Variants in PPP1R16B observed in about 807,000 individuals in gnomAD.
PPP1R16B encodes protein phosphatase 1 regulatory subunit 16B, also known as protein phosphatase 1 regulatory inhibitor subunit 16B.
Under a neutral mutation model 61.7 loss-of-function variants are expected in PPP1R16B, and 14 were observed. The observed-to-expected ratio is 0.23, with a 90% CI of 0.15 to 0.35. The LOEUF (loss-of-function observed/expected upper bound fraction) is 0.35. PPP1R16B is among the 10% of genes least tolerant of loss of function. The pLI, the probability that PPP1R16B is intolerant of heterozygous loss-of-function variation, is 1.00. For synonymous variants in PPP1R16B, 266 were observed against 305.3 expected, an observed-to-expected ratio of 0.87 and a Z score of 1.34; for missense variants, 547 against 752.5, an observed-to-expected ratio of 0.73 and a Z score of 3.19.
At chr20:38,903,650 A>C (rs973069058) in intron 6 of PPP1R16B, among the ~76,000 whole-genome samples, 3 of 151,988 alleles carry the variant, frequency 2.0e-5, no homozygotes, top group African/African-American at 7.3e-5. Flanking sequence ...TCCAGTCAAC[A>C]CACAGTTATG....
In PPP1R16B at chr20:38,836,103, C is replaced by G. The variant is rs559211120; in HGVS notation, c.178C>G (p.Arg60Gly). The G allele has an allele frequency of 6.2e-7, 1 of 1,612,478 alleles. No individual in the cohort carries two copies. The highest frequency in any genetic ancestry group is 1.1e-5 in the South Asian group (1 of 91,070). ...TGAGCGGAAGCGCAGCACGGGCGGC[C>G]GCCGCAAGAAAGTGTCCTTCGAGGC... Reference protein sequence around the residue: ...KHERKRSTGGRRKKVSFEASV... With the variant: ...KHERKRSTGGGRKKVSFEASV... The change falls in exon 2 of 11, where the codon CGC (arginine) becomes GGC (glycine). Residue 60 changes from arginine (R) to glycine (G), a missense_variant. By Grantham distance (125) the Arg-to-Gly change is moderately radical (BLOSUM62 -2). Transcript: ENST00000299824.
chr20:38,835,287 T>C (rs2084862129), intron 1 of PPP1R16B, among the ~76,000 whole-genome samples: 1 of 152,338 alleles, frequency 6.6e-6, no homozygotes, highest in South Asian at 2.1e-4. Context: ...CCTTGGATGT[T>C]TGTATAGTCT....
chr20:38,836,053 A>G lies in PPP1R16B; in HGVS notation c.128A>G (p.Asp43Gly). The change falls in exon 2 of 11, where the codon GAC (aspartate) becomes GGC (glycine). Residue 43 changes from aspartate to glycine, a missense_variant. Physicochemically the swap from Asp to Gly is moderately conservative, Grantham distance 94. Coordinates refer to ENST00000299824, the MANE Select transcript of PPP1R16B (RefSeq NM_015568.4). ...AAGAAATGGGCACAGTACGAGCAGGACTTGCAGCACCGCAAGCGAAAGCAT... is the reference window on the plus strand; with the variant it reads ...AAGAAATGGGCACAGTACGAGCAGGGCTTGCAGCACCGCAAGCGAAAGCAT... ...QLKKWAQYEQ[D>G]LQHRKRKHER... 6.2e-7 allele frequency: 1 copy of G among 1,610,376 alleles called. No homozygotes were observed. Among genetic ancestry groups the G allele is most frequent in the Non-Finnish European group, 8.5e-7 (1 of 1,179,034 alleles).
chr20:38,806,965 T>A lies in PPP1R16B; in HGVS notation c.-102+1173T>A, dbSNP rs1349131086. Among the ~76,000 whole-genome samples the A allele has an allele frequency of 6.6e-6, 1 of 152,100 alleles. No homozygotes were observed. Among genetic ancestry groups the A allele is most frequent in the Non-Finnish European group, 1.5e-5 (1 of 68,012 alleles). ...TGCCTGCGCGCCCATGTGATTGCAT[T>A]TCACATAAAGGGCCCCTGTTTTCAC... On this transcript the variant is annotated intron_variant, in intron 1 of 10. Coordinates refer to ENST00000299824, the MANE Select transcript of PPP1R16B (RefSeq NM_015568.4). The surrounding 1 kb of genome is among the most constrained non-coding windows in gnomAD (Gnocchi z 4.5).
intron 10 of PPP1R16B, among the ~76,000 whole-genome samples, chr20:38,909,103 G>A (rs769668236): frequency 6.6e-6 from 1 of 152,078 alleles, no homozygotes; most frequent in East Asian, 1.9e-4. Flanking sequence ...ATGGGCTTAA[G>A]CGATCCTCCC....
chr20:38,869,749 G>C (rs2085114044), intron 2 of PPP1R16B, among the ~76,000 whole-genome samples: 1 of 151,926 alleles, frequency 6.6e-6, no homozygotes, highest in African/African-American at 2.4e-5. Flanking sequence ...TGAGGGCCTG[G>C]AAAGTCATGT....
chr20:38,876,780 C>T (rs1241674663), intron 2 of PPP1R16B, among the ~76,000 whole-genome samples: 1 of 152,172 alleles, frequency 6.6e-6, no homozygotes, highest in Non-Finnish European at 1.5e-5. Context: ...GTTCTTACCA[C>T]TTGGCTATCA....
chr20:38,903,729 C>A (rs139880467), intron 6 of PPP1R16B, among the ~76,000 whole-genome samples: 2 of 152,352 alleles, frequency 1.3e-5, no homozygotes, highest in Non-Finnish European at 2.9e-5. Flanking sequence ...TCTTCTCTCT[C>A]AAATCCGCCT....
At chr20:38,821,326 C>T (rs949915309) in intron 1 of PPP1R16B, among the ~76,000 whole-genome samples, 8 of 152,216 alleles carry the variant, frequency 5.3e-5, no homozygotes, top group African/African-American at 1.9e-4. Flanking sequence ...GACAGCCTGC[C>T]TCTCATTCCT....
chr20:38,863,636 A>C (rs1463905138), intron 2 of PPP1R16B, among the ~76,000 whole-genome samples: 1 of 152,234 alleles, frequency 6.6e-6, no homozygotes, highest in African/African-American at 2.4e-5. Context: ...TCATCTGAAC[A>C]GTGACGGTCA....
chr20:38,851,130 G>C (rs1417242792), intron 2 of PPP1R16B, among the ~76,000 whole-genome samples: 2 of 151,752 alleles, frequency 1.3e-5, no homozygotes, highest in Non-Finnish European at 2.9e-5. Flanking sequence ...TGGTATGTGG[G>C]AACAGTAGCA....
chr20:38,902,282 A>ATAGG (rs2085400411), intron 5 of PPP1R16B, among the ~76,000 whole-genome samples: 3 of 152,242 alleles, frequency 2.0e-5, no homozygotes. Flanking sequence ...AAACTAACAG[A>ATAGG]GACCCTGGTC....
At chr20:38,844,211 A>G (rs2084924328) in intron 2 of PPP1R16B, among the ~76,000 whole-genome samples, 1 of 152,248 alleles carries the variant, frequency 6.6e-6, no homozygotes, top group African/African-American at 2.4e-5. Context: ...TTTATACAAT[A>G]TAAGAAAATG....
At chr20:38,884,770 T>C (rs936069711) in intron 2 of PPP1R16B, among the ~76,000 whole-genome samples, 7 of 149,998 alleles carry the variant, frequency 4.7e-5, no homozygotes, top group African/African-American at 1.7e-4. Flanking sequence ...AGGCCCTGTC[T>C]CTTAAAAAAA....
intron 10 of PPP1R16B, among the ~76,000 whole-genome samples, chr20:38,910,544 T>C (rs915125713): frequency 6.6e-6 from 1 of 151,754 alleles, no homozygotes; most frequent in East Asian, 1.9e-4. Flanking sequence ...TTTTTGTTTT[T>C]TTTTTTTGAG....
At chr20:38,881,347 A>G (rs899936209) in intron 2 of PPP1R16B, among the ~76,000 whole-genome samples, 4 of 152,260 alleles carry the variant, frequency 2.6e-5, no homozygotes, top group South Asian at 2.1e-4. Context: ...TTGGGGGCAC[A>G]GGACAGCTTT....
chr20:38,806,342 C>T lies in PPP1R16B; in HGVS notation c.-102+550C>T, dbSNP rs1483666679. ...AGATCCCCAAGGCAGGCGCCTCCAC[C>T]TGCAGACCCGCCCCGCCTCAGGATC... On this transcript the variant is annotated intron_variant, in intron 1 of 10. Coordinates refer to ENST00000299824, the MANE Select transcript of PPP1R16B (RefSeq NM_015568.4). The surrounding 1 kb of genome is among the most constrained non-coding windows in gnomAD (Gnocchi z 4.5). 6.6e-6 allele frequency among the ~76,000 whole-genome samples: 1 copy of T among 152,074 alleles called. No homozygotes were observed. The highest frequency in any genetic ancestry group is 1.5e-5 in the Non-Finnish European group (1 of 67,964).
intron 4 of PPP1R16B, among the ~76,000 whole-genome samples, chr20:38,899,051 A>G (rs2085371771): frequency 6.6e-6 from 1 of 152,172 alleles, no homozygotes; most frequent in Non-Finnish European, 1.5e-5. Context: ...AAGGAGTCAG[A>G]GAGAGTGGCC....
intron 1 of PPP1R16B, among the ~76,000 whole-genome samples, chr20:38,809,051 A>AAAAAG (rs1555801299): frequency 5.3e-5 from 8 of 150,876 alleles, no homozygotes; most frequent in African/African-American, 9.8e-5. Context: ...AAAGAAAAAA[A>AAAAAG]AAAGTGCTCA....
Sources: gnomAD v4.1 joint callset for allele counts (sites outside exome capture counted in the v4.1 genomes callset) on GRCh38, gnomAD v4.1.1 for gene constraint, Gnocchi (gnomAD v3.1) non-coding constraint, MANE v1.5 for transcripts, NCBI Gene and HGNC (gene_info 2026-07-23, HGNC 2026-07-21) for gene names.